The following SNX24 variants were observed in gnomAD, a reference collection of about 807,000 sequenced individuals.
The protein encoded by SNX24 is sorting nexin-24.
SNX24 carries 22 observed loss-of-function variants against 28.7 expected under a neutral mutation model. The observed-to-expected ratio is 0.77, with a 90% CI of 0.55 to 1.10. The LOEUF (loss-of-function observed/expected upper bound fraction) is 1.10. SNX24 is among the 50% of genes least tolerant of loss of function. SNX24 has a pLI of 0.00. For missense variants in SNX24, 221 were observed against 201.1 expected, an observed-to-expected ratio of 1.10 and a Z score of -0.60; for synonymous variants, 69 against 71.5, an observed-to-expected ratio of 0.96 and a Z score of 0.18.
chr5:122,888,561 A>T (rs916283151), intron 1 of SNX24, among the ~76,000 whole-genome samples: 2 of 152,220 alleles, frequency 1.3e-5, no homozygotes, highest in African/African-American at 4.8e-5. Flanking sequence ...TCTGACAAAT[A>T]TATTCAGAAT....
chr5:122,968,771 A>G (rs560805209), intron 3 of SNX24, among the ~76,000 whole-genome samples: 26 of 152,286 alleles, frequency 1.7e-4, no homozygotes, highest in African/African-American at 6.3e-4. Context: ...CACTACTCAT[A>G]TTAGAATAAG....
intron 5 of SNX24, among the ~76,000 whole-genome samples, chr5:123,020,959 A>G (rs1762752763): frequency 6.6e-6 from 1 of 152,156 alleles, no homozygotes; most frequent in Non-Finnish European, 1.5e-5. Context: ...GGGCAAGGGA[A>G]TGTTCTGGAT....
rs1762470780 is a variant in SNX24, at chr5:123,007,841, T to C, written c.*92T>C. 7 of 1,546,046 alleles carry C rather than the reference T, an allele frequency of 4.5e-6. No individual in the cohort carries two copies. The highest frequency in any genetic ancestry group is 3.7e-5 in the South Asian group (3 of 81,500). On this transcript the variant is annotated 3_prime_UTR_variant, in exon 7 of 7. Transcript: ENST00000261369. ...CCAATTTAACCTAAACGCTATGATA[T>C]ATAACAGCTCTAGCTAGTGGTAAAG... is the stretch of plus-strand genomic sequence containing the variant.
At chr5:122,927,495 A>G (rs1032026347) in intron 1 of SNX24, among the ~76,000 whole-genome samples, 1 of 152,206 alleles carries the variant, frequency 6.6e-6, no homozygotes, top group Non-Finnish European at 1.5e-5. Context: ...TAATTGGGGA[A>G]TGCCAGTATT....
At chr5:122,942,311 C>T (rs985451507) in intron 2 of SNX24, among the ~76,000 whole-genome samples, 2 of 152,030 alleles carry the variant, frequency 1.3e-5, no homozygotes, top group African/African-American at 4.8e-5. Flanking sequence ...TGTTTAATTC[C>T]ATGAAGTAGA....
At chr5:123,017,695 C>A (rs556290333) in intron 5 of SNX24, among the ~76,000 whole-genome samples, 36 of 152,040 alleles carry the variant, frequency 2.4e-4, no homozygotes, top group Admixed American at 1.3e-3. Flanking sequence ...CTTTCCCATG[C>A]TGTTCTCATG....
intron 1 of SNX24, among the ~76,000 whole-genome samples, chr5:122,864,633 G>A (rs1055907881): frequency 1.4e-4 from 21 of 152,200 alleles, no homozygotes; most frequent in African/African-American, 4.8e-4. Flanking sequence ...AGTCAAAGCT[G>A]TTTTCTTGCA....
chr5:122,915,844 G>A (rs1758135761), intron 1 of SNX24, among the ~76,000 whole-genome samples: 1 of 152,150 alleles, frequency 6.6e-6, no homozygotes, highest in Non-Finnish European at 1.5e-5. Flanking sequence ...CAGGTAATCT[G>A]TTTCTTTTGT....
chr5:122,990,870 G>A (rs1761814608), intron 3 of SNX24, among the ~76,000 whole-genome samples: 1 of 152,062 alleles, frequency 6.6e-6, no homozygotes, highest in Admixed American at 6.5e-5. Flanking sequence ...CAGGTACGTA[G>A]CTAGTTTATA....
At chr5:122,950,399 C>T (rs1759887806) in intron 3 of SNX24, among the ~76,000 whole-genome samples, 3 of 151,828 alleles carry the variant, frequency 2.0e-5, no homozygotes, top group Non-Finnish European at 4.4e-5. Context: ...GTAGATCTAG[C>T]TTCAGAGATA....
At position 122,946,175 on chromosome 5, in the gene SNX24, A is replaced by G. The variant is rs772486462; in HGVS notation, c.249+16A>G. 1 of 1,424,692 alleles carries G rather than the reference A, an allele frequency of 7.0e-7. No individual in the cohort carries two copies. Among genetic ancestry groups the G allele is most frequent in the Non-Finnish European group, 9.9e-7 (1 of 1,013,870 alleles). The allele number at this position is 1,424,692 out of a possible 1,614,324, so 88.3% of individuals were successfully genotyped here. A position where few individuals can be genotyped will look rare whatever the true frequency, so the allele number is the denominator to read the frequency against. ...ATACTTACAGGTAAGATATGTTTAG[A>G]TCCTCATTTTATATAACATAAATAA... On this transcript the variant is annotated intron_variant, in intron 3 of 6. Coordinates refer to ENST00000261369, the MANE Select transcript of SNX24 (RefSeq NM_014035.4).
chr5:123,015,656 C>T (rs764010070), intron 5 of SNX24, among the ~76,000 whole-genome samples: 1 of 152,068 alleles, frequency 6.6e-6, no homozygotes, highest in African/African-American at 2.4e-5. Context: ...ACTAGCCCTC[C>T]GGGTGATTCT....
At chr5:123,002,597 A>C (rs1030758040) in intron 6 of SNX24, among the ~76,000 whole-genome samples, 1 of 152,116 alleles carries the variant, frequency 6.6e-6, no homozygotes. Flanking sequence ...GCGCCACTGC[A>C]CTCCAGCCTG....
chr5:122,968,566 G>A (rs1459975336), intron 3 of SNX24, among the ~76,000 whole-genome samples: 1 of 152,152 alleles, frequency 6.6e-6, no homozygotes, highest in African/African-American at 2.4e-5. Flanking sequence ...GAAAGAATAA[G>A]TATTGTGATT....
intron 2 of SNX24, among the ~76,000 whole-genome samples, chr5:122,941,508 G>C (rs1028121948): frequency 2.4e-4 from 36 of 152,102 alleles, no homozygotes; most frequent in African/African-American, 8.2e-4. Flanking sequence ...TTCCATGTTA[G>C]CTCCCTTTCT....
At chr5:122,980,115 A>G (rs546743452) in intron 3 of SNX24, among the ~76,000 whole-genome samples, 3 of 152,330 alleles carry the variant, frequency 2.0e-5, no homozygotes, top group African/African-American at 7.2e-5. Flanking sequence ...GTATACTTAC[A>G]TCATAAAACA....
At chr5:123,024,421 G>T (rs1428541541) in intron 5 of SNX24, among the ~76,000 whole-genome samples, 1 of 152,192 alleles carries the variant, frequency 6.6e-6, no homozygotes, top group Non-Finnish European at 1.5e-5. Context: ...GTCTTCACAT[G>T]TATGGGCCAG....
chr5:122,952,700 A>G (rs72798710), intron 3 of SNX24, among the ~76,000 whole-genome samples: 269 of 152,356 alleles, frequency 1.8e-3, no homozygotes, highest in Admixed American at 3.1e-3. Flanking sequence ...TATATCTCAA[A>G]AATTGATGTA....
chr5:123,016,000 T>C (rs1762672566), intron 5 of SNX24, among the ~76,000 whole-genome samples: 1 of 152,198 alleles, frequency 6.6e-6, no homozygotes, highest in Non-Finnish European at 1.5e-5. Flanking sequence ...TTGCCATATT[T>C]TACATGAATT....
Sources: allele counts gnomAD v4.1 joint callset (sites outside exome capture counted in the v4.1 genomes callset), GRCh38; gene constraint gnomAD v4.1.1; transcripts MANE v1.5; gene names NCBI Gene and HGNC (gene_info 2026-07-23, HGNC 2026-07-21).